Variants in CNTNAP2 observed in about 807,000 individuals in gnomAD.
The protein encoded by CNTNAP2 is contactin-associated protein-like 2.
Under a neutral mutation model 155.2 loss-of-function variants are expected in CNTNAP2, and 98 were observed. That is an observed-to-expected ratio of 0.63 (90% CI 0.54 to 0.75). CNTNAP2 has a LOEUF of 0.75. Ranked by LOEUF, CNTNAP2 falls within the 30% of genes least tolerant of loss-of-function variation. The pLI is 0.00. For synonymous variants in CNTNAP2, 651 were observed against 631.2 expected (o/e 1.03, Z -0.47); for missense variants, 1,727 against 1,688.1 (o/e 1.02, Z -0.40).
At chr7:146,209,643 C>G (rs1799003380) in intron 1 of CNTNAP2, among the ~76,000 whole-genome samples, 1 of 151,842 alleles carries the variant, frequency 6.6e-6, no homozygotes, top group African/African-American at 2.4e-5. Flanking sequence ...TTACAAAAGT[C>G]AAATGTAAAA....
chr7:147,901,774 C>A (rs1222743356), intron 13 of CNTNAP2, among the ~76,000 whole-genome samples: 2 of 152,146 alleles, frequency 1.3e-5, no homozygotes. Context: ...AACTGTTCTC[C>A]AATCTGTATC....
At chr7:146,331,584 G>A (rs538356682) in intron 1 of CNTNAP2, among the ~76,000 whole-genome samples, 1 of 152,216 alleles carries the variant, frequency 6.6e-6, no homozygotes, top group East Asian at 1.9e-4. Flanking sequence ...TTGTGGGATG[G>A]TGGGTTCTGG....
intron 13 of CNTNAP2, among the ~76,000 whole-genome samples, chr7:147,782,355 G>C (rs536647171): frequency 2.0e-5 from 3 of 152,292 alleles, no homozygotes; most frequent in African/African-American, 7.2e-5. Context: ...CATTCTATTT[G>C]TATTTTGCCT....
At chr7:146,304,694 C>A (rs558183747) in intron 1 of CNTNAP2, among the ~76,000 whole-genome samples, 1 of 152,184 alleles carries the variant, frequency 6.6e-6, no homozygotes, top group Non-Finnish European at 1.5e-5. Context: ...TCTCTGGCTG[C>A]CCTTAACATT....
intron 21 of CNTNAP2, among the ~76,000 whole-genome samples, chr7:148,365,318 GA>G (rs1300502055): frequency 6.6e-6 from 1 of 152,124 alleles, no homozygotes; most frequent in South Asian, 2.1e-4. Flanking sequence ...AGCTCATCCT[GA>G]AAAAAGTAGC....
chr7:146,445,390 A>C (rs563177374), intron 1 of CNTNAP2, among the ~76,000 whole-genome samples: 1 of 152,298 alleles, frequency 6.6e-6, no homozygotes, highest in East Asian at 1.9e-4. Flanking sequence ...GCCTCTTCTT[A>C]TGACATGATA....
chr7:147,016,714 A>G (rs1798729451), intron 3 of CNTNAP2, among the ~76,000 whole-genome samples: 1 of 152,140 alleles, frequency 6.6e-6, no homozygotes, highest in Non-Finnish European at 1.5e-5. Context: ...ATTGCTTCTT[A>G]TAAGAAACTT....
At chr7:146,787,377 G>C (rs1282103055) in intron 2 of CNTNAP2, among the ~76,000 whole-genome samples, 4 of 152,134 alleles carry the variant, frequency 2.6e-5, no homozygotes, top group Non-Finnish European at 5.9e-5. Flanking sequence ...TGTTCCTTCA[G>C]ACGTCCAGAT....
rs139775699 is a variant in CNTNAP2, at chr7:146,228,249, T to C, written c.97+111276T>C. Among the ~76,000 whole-genome samples the C allele has an allele frequency of 6.0e-3, 913 of 152,318 alleles. 15 individuals are homozygous for C. Among genetic ancestry groups the C allele is most frequent in the African/African-American group, 0.021 (853 of 41,574 alleles). On this transcript the variant is annotated intron_variant, in intron 1 of 23. Transcript: ENST00000361727. ...AATAGTTTAAATCTTTGTTTAGTAGTAAACACTTTCATTAGTGGCCTAAAC... is the reference window on the plus strand; with the variant it reads ...AATAGTTTAAATCTTTGTTTAGTAGCAAACACTTTCATTAGTGGCCTAAAC...
At chr7:146,676,106 G>A (rs1353236) in intron 1 of CNTNAP2, among the ~76,000 whole-genome samples, 7,561 of 151,952 alleles carry the variant, frequency 0.05, 682 homozygotes, top group African/African-American at 0.17. Context: ...CTAAAATATC[G>A]TTCTGTAATT....
chr7:146,227,652 A>G (rs1799318401), intron 1 of CNTNAP2, among the ~76,000 whole-genome samples: 3 of 152,190 alleles, frequency 2.0e-5, no homozygotes, highest in African/African-American at 7.2e-5. Context: ...GTCAATAAAA[A>G]TAACCGGAAG....
chr7:146,436,360 G>C (rs1796243638), intron 1 of CNTNAP2, among the ~76,000 whole-genome samples: 1 of 152,128 alleles, frequency 6.6e-6, no homozygotes, highest in South Asian at 2.1e-4. Context: ...GGCTATATAT[G>C]TTGCAGTGGT....
chr7:146,350,997 G>A (rs1373111529), intron 1 of CNTNAP2, among the ~76,000 whole-genome samples: 1 of 143,584 alleles, frequency 7.0e-6, no homozygotes, highest in East Asian at 2.1e-4. Flanking sequence ...CATGAACACA[G>A]GAAGGGGAGC....
At chr7:147,505,148 C>T (rs779584536) in intron 11 of CNTNAP2, among the ~76,000 whole-genome samples, 18 of 152,134 alleles carry the variant, frequency 1.2e-4, no homozygotes, top group African/African-American at 4.1e-4. Context: ...AAACAGTTCT[C>T]TCAGCACTCT....
intron 12 of CNTNAP2, among the ~76,000 whole-genome samples, chr7:147,572,984 C>T (rs1438313489): frequency 2.6e-5 from 4 of 152,130 alleles, no homozygotes; most frequent in African/African-American, 7.2e-5. Flanking sequence ...TCTCATATAG[C>T]AGCTAATCTC....
At chr7:147,415,843 T>C (rs1797184609) in intron 10 of CNTNAP2, among the ~76,000 whole-genome samples, 1 of 152,140 alleles carries the variant, frequency 6.6e-6, no homozygotes, top group Non-Finnish European at 1.5e-5. Flanking sequence ...TGTGAACTGA[T>C]TCTACACCGG....
intron 1 of CNTNAP2, among the ~76,000 whole-genome samples, chr7:146,575,087 A>G (rs2129146770): frequency 6.6e-6 from 1 of 152,280 alleles, no homozygotes; most frequent in South Asian, 2.1e-4. Flanking sequence ...AGCCTATACA[A>G]TAACTGTTCA....
chr7:146,980,547 G>T (rs890715378), intron 3 of CNTNAP2, among the ~76,000 whole-genome samples: 2 of 152,158 alleles, frequency 1.3e-5, no homozygotes, highest in Admixed American at 6.5e-5. Flanking sequence ...AATGGGCTCT[G>T]CAGACTGTAC....
In CNTNAP2 at chr7:147,604,147, C is replaced by G. The variant is rs543926507; in HGVS notation, c.1898-34959C>G. ...AGAAGAAAACCTAGGCATTACCATTCAGGACATAGGCGTGGGCAAGGACTT... is the reference window on the plus strand; with the variant it reads ...AGAAGAAAACCTAGGCATTACCATTGAGGACATAGGCGTGGGCAAGGACTT... On this transcript the variant is annotated intron_variant, in intron 12 of 23. Coordinates refer to ENST00000361727, the MANE Select transcript of CNTNAP2 (RefSeq NM_014141.6). 3.5e-3 allele frequency among the ~76,000 whole-genome samples: 535 copies of G among 152,094 alleles called. 14 individuals carry two copies. Among genetic ancestry groups the G allele is most frequent in the Non-Finnish European group, 1.4e-3 (93 of 67,976 alleles).
Sources: gnomAD v4.1 joint callset for allele counts (sites outside exome capture counted in the v4.1 genomes callset) on GRCh38, gnomAD v4.1.1 for gene constraint, MANE v1.5 for transcripts, NCBI Gene and HGNC (gene_info 2026-07-23, HGNC 2026-07-21) for gene names.